Variants in TARM1 observed in about 807,000 individuals in gnomAD.
The protein encoded by TARM1 is T cell-interacting, activating receptor on myeloid cells 1, also known as T-cell-interacting, activating receptor on myeloid cells protein 1.
In TARM1, 24 loss-of-function variants were observed where a neutral mutation model predicts 30.4. The observed-to-expected ratio is 0.79, with a 90% CI of 0.57 to 1.11. TARM1 has a LOEUF of 1.11. Among genes scored for constraint, TARM1 ranks in the 50% least tolerant of loss-of-function variants. The pLI is 0.00. For missense variants in TARM1, 323 were observed against 332.8 expected (o/e 0.97, Z 0.23); for synonymous variants, 129 against 138.9 (o/e 0.93, Z 0.50).
rs2072074075 is a variant in TARM1 at position 54,080,133 on chromosome 19, AAGG to A, written c.34+1171_34+1173del. Among the ~76,000 whole-genome samples, 84 of 63,204 alleles carry A rather than the reference AAGG, an allele frequency of 1.3e-3. 11 individuals carry two copies. The highest frequency in any genetic ancestry group is 7.5e-3 in the Middle Eastern group (1 of 134). The allele number at this position is 63,204 out of a possible 152,430, so 41.5% of individuals were successfully genotyped here. ...GAAGGAAGGAAGGAAGGAAGGAAGG[AAGG>A]AAGAAAGCAAGCAAGCAAGCAAGCA... On this transcript the variant is annotated intron_variant, in intron 1 of 4. Coordinates refer to ENST00000432826, the MANE Select transcript of TARM1 (RefSeq NM_001135686.3).
chr19:54,075,072 A>G lies in TARM1; in HGVS notation c.113T>C (p.Val38Ala). 1 of 1,551,462 alleles carries G rather than the reference A, an allele frequency of 6.4e-7. No homozygotes were observed. Among genetic ancestry groups the G allele is most frequent in the Non-Finnish European group, 8.7e-7 (1 of 1,146,974 alleles). Residue 38 changes from valine (V) to alanine (A), a missense_variant, in exon 3 of 5, where the codon GTG becomes GCG. Physicochemically the swap from Val to Ala is moderately conservative, Grantham distance 64. Coordinates refer to ENST00000432826, the MANE Select transcript of TARM1 (RefSeq NM_001135686.3). ...CGTCACATTGCTGTTGGCAGGGACC[A>G]CCGAGCTGGGCCAGGCACTGAGGGA... ...KPSLSAWPSS[V>A]VPANSNVTLR...
At chr19:54,080,907 G>A (rs2072114098) in intron 1 of TARM1, among the ~76,000 whole-genome samples, 1 of 152,222 alleles carries the variant, frequency 6.6e-6, no homozygotes, top group Admixed American at 6.6e-5. Flanking sequence ...GGGAGGCAGA[G>A]GTTGTGGTGA....
chr19:54,080,966 C>T (rs2072115705), intron 1 of TARM1, among the ~76,000 whole-genome samples: 1 of 151,890 alleles, frequency 6.6e-6, no homozygotes, highest in Non-Finnish European at 1.5e-5. Flanking sequence ...GAGCAAAACC[C>T]TGTCTCAAAA....
At position 54,075,026 on chromosome 19, in the gene TARM1, G is replaced by A. The variant is rs1298888544; in HGVS notation, c.159C>T (p.Ala53=). 2.6e-6 allele frequency: 4 copies of A among 1,551,382 alleles called. No individual in the cohort carries two copies. The African/African-American group carries it at 4.1e-5, about 16-fold the overall frequency. The part of the protein sequence containing the change: ...SNVTLRCWTP[A]RGVSFVLRKG... ...TCCTGAGAACAAAGCTCACACCTCT[G>A]GCAGGAGTCCAACATCGCAGCGTCA... The change falls in exon 3 of 5, where the codon GCC becomes GCT. Residue 53 remains alanine (A), a synonymous_variant. Coordinates refer to ENST00000432826, the MANE Select transcript of TARM1 (RefSeq NM_001135686.3).
At chr19:54,071,325 C>T (rs4806701) in intron 4 of TARM1, among the ~76,000 whole-genome samples, 44,521 of 151,910 alleles carry the variant, frequency 0.29, 6,725 homozygotes, top group Middle Eastern at 0.34. Context: ...TTCACTCCAC[C>T]TTAGCTCTCT....
chr19:54,074,969 G>A lies in TARM1; in HGVS notation c.216C>T (p.Pro72=). 6.4e-7 allele frequency: 1 copy of A among 1,551,460 alleles called. No individual in the cohort carries two copies. The highest frequency in any genetic ancestry group is 8.7e-7 in the Non-Finnish European group (1 of 1,146,952). The change falls in exon 3 of 5, where the codon CCC becomes CCT. Residue 72 remains proline (P), a synonymous_variant. Coordinates refer to ENST00000432826, the MANE Select transcript of TARM1 (RefSeq NM_001135686.3). The stretch of plus-strand genomic sequence containing the variant: ...CGGCCGCGCCCTCTGTAGAATCAAG[G>A]GGCTTCGGGGACTCCAGAATAATTC... ...KGGIILESPK[P]LDSTEGAAEF...
chr19:54,078,326 C>T (rs1249616305), intron 1 of TARM1, among the ~76,000 whole-genome samples: 1 of 151,702 alleles, frequency 6.6e-6, no homozygotes. Flanking sequence ...GCTGGGACTA[C>T]AGCTGCACAC....
intron 4 of TARM1, among the ~76,000 whole-genome samples, chr19:54,072,967 G>A (rs1338352356): frequency 6.6e-6 from 1 of 151,994 alleles, no homozygotes; most frequent in Non-Finnish European, 1.5e-5. Flanking sequence ...AACAGAGCGA[G>A]ACTCTGTCTC....
chr19:54,069,896 G>T lies in TARM1; in HGVS notation c.*107C>A. 1.2e-6 allele frequency: 1 copy of T among 856,396 alleles called. No homozygotes were observed. The allele number at this position is 856,396 out of a possible 1,614,324, so 53.0% of individuals were successfully genotyped here. A position where few individuals can be genotyped will look rare whatever the true frequency, so the allele number is the denominator to read the frequency against. ...TTGTGTCTTTGGGTCTTTGTGACCT[G>T]TATGTTGTGACCTGTCTCATCCTGT... is the stretch of plus-strand genomic sequence containing the variant. On this transcript the variant is annotated 3_prime_UTR_variant, in exon 5 of 5. Transcript: ENST00000432826.
At chr19:54,081,285 T>C (rs1399084336) in intron 1 of TARM1, 22 bp downstream of exon 1, 5 of 1,547,582 alleles carry the variant, frequency 3.2e-6, no homozygotes, top group Non-Finnish European at 4.4e-6. Context: ...GCAGTCCCAG[T>C]GGATAGCCCT....
chr19:54,074,146 CAG>C lies in TARM1; in HGVS notation c.430_431del (p.Leu144AlafsTer68). 2.6e-6 allele frequency: 4 copies of C among 1,551,706 alleles called. No individual in the cohort carries two copies. The highest frequency in any genetic ancestry group is 3.5e-6 in the Non-Finnish European group (4 of 1,147,002). On this transcript the variant is annotated frameshift_variant, in exon 4 of 5. Coordinates refer to ENST00000432826, the MANE Select transcript of TARM1 (RefSeq NM_001135686.3). ...ACAATTGGTCTCGCTTCTGGCACTG[CAG>C]AGTCACCCTTCCACCTGCGGTCACT... ...GTVTAGGRVT[L>X]QCQKRDQLFV...
rs986866863 is a variant in TARM1, at chr19:54,070,060, C to G, written c.759G>C (p.Glu253Asp). The part of the protein sequence containing the change: ...IVVIMGAFLV[E>D]AWYSRNVSPG... ...GAGACACATTCCGGCTGTACCAGGC[C>G]TCCACCAGGAAAGCTCCCATGATAA... Residue 253 changes from glutamate to aspartate, a missense_variant, in exon 5 of 5, where the codon GAG (glutamate) becomes GAC (aspartate). Physicochemically the swap from Glu to Asp is conservative, Grantham distance 45. Coordinates refer to ENST00000432826, the MANE Select transcript of TARM1 (RefSeq NM_001135686.3). 27 of 1,551,508 alleles carry G rather than the reference C, an allele frequency of 1.7e-5. No individual in the cohort carries two copies. Among genetic ancestry groups the G allele is most frequent in the Non-Finnish European group, 2.2e-5 (25 of 1,146,998 alleles).
intron 4 of TARM1, among the ~76,000 whole-genome samples, chr19:54,073,552 G>C (rs1356569327): frequency 1.3e-5 from 2 of 151,418 alleles, no homozygotes; most frequent in Non-Finnish European, 2.9e-5. Context: ...GGAGTGCAGT[G>C]GCAAGATCTT....
At chr19:54,080,467 A>AG (rs2072095409) in intron 1 of TARM1, among the ~76,000 whole-genome samples, 2 of 55,662 alleles carry the variant, frequency 3.6e-5, no homozygotes, top group Non-Finnish European at 3.8e-5. Context: ...CAAAAAAAAA[A>AG]AAAAGAAAGA....
Position 54,074,848 on chromosome 19 carries a change from C to T in TARM1, c.337G>A (p.Asp113Asn). 5.2e-6 allele frequency: 8 copies of T among 1,551,620 alleles called. No homozygotes were observed. Among genetic ancestry groups the T allele is most frequent in the Non-Finnish European group, 7.0e-6 (8 of 1,146,982 alleles). Reference protein sequence around the residue: ...ASPHILSQHSDVLLLLVTGHL... With the variant: ...ASPHILSQHSNVLLLLVTGHL... ...CCTGTCACCAACAGTAGAAGGACGT[C>T]ACTGTGCTGTGAAAGGATGTGGGGG... The change falls in exon 3 of 5, where the codon GAC (aspartate) becomes AAC (asparagine). Residue 113 changes from aspartate (D) to asparagine (N), a missense_variant. Asp to Asn is a conservative substitution (Grantham distance 23). Coordinates refer to ENST00000432826, the MANE Select transcript of TARM1 (RefSeq NM_001135686.3).
At chr19:54,079,287 A>G (rs1340165605) in intron 1 of TARM1, among the ~76,000 whole-genome samples, 1 of 150,330 alleles carries the variant, frequency 6.7e-6, no homozygotes, top group Admixed American at 6.6e-5. Flanking sequence ...AAAAAAAGAA[A>G]TTAGAATGGA....
intron 3 of TARM1, 84 bp downstream of exon 3, chr19:54,074,740 G>T (rs746078205): frequency 3.8e-5 from 53 of 1,395,886 alleles, no homozygotes; most frequent in South Asian, 2.1e-4. Context: ...CTCTGAAGGT[G>T]GGACCCCTTT....
At chr19:54,079,068 A>G (rs1381806466) in intron 1 of TARM1, among the ~76,000 whole-genome samples, 1 of 144,578 alleles carries the variant, frequency 6.9e-6, no homozygotes, top group Non-Finnish European at 1.5e-5. Context: ...CAGCCTGGTC[A>G]ACATGGTGAA....
chr19:54,075,869 G>A lies in TARM1; in HGVS notation c.70+14C>T, dbSNP rs1449502285. On this transcript the variant is annotated intron_variant, in intron 2 of 4. Transcript: ENST00000432826. ...ATGACAGGCCAAGGAGGGTGTAGTT[G>A]AAGAAACACTCACCATCTCCCCTTG... 4 of 1,551,222 alleles carry A rather than the reference G, an allele frequency of 2.6e-6. No individual in the cohort carries two copies. The highest frequency in any genetic ancestry group is 1.7e-4 in the Middle Eastern group (1 of 5,992).
Sources: gnomAD v4.1 joint callset for allele counts (sites outside exome capture counted in the v4.1 genomes callset) on GRCh38, gnomAD v4.1.1 for gene constraint, MANE v1.5 for transcripts, NCBI Gene and HGNC (gene_info 2026-07-23, HGNC 2026-07-21) for gene names.